Variants in STK24 observed in about 807,000 individuals in gnomAD.
STK24 encodes the protein serine/threonine-protein kinase 24.
A neutral mutation model predicts 55.6 loss-of-function variants in STK24; 21 were observed. The ratio of observed to expected loss-of-function variants is 0.38; its 90% confidence interval spans 0.27 to 0.54. The LOEUF (loss-of-function observed/expected upper bound fraction) is 0.54. Among genes scored for constraint, STK24 ranks in the 20% least tolerant of loss-of-function variants. The pLI is 0.79. For missense variants in STK24, 383 were observed against 538.4 expected (o/e 0.71, Z 2.86); for synonymous variants, 200 against 215.2 (o/e 0.93, Z 0.62).
chr13:98,472,589 G>A (rs960881160), intron 5 of STK24, among the ~76,000 whole-genome samples: 12 of 152,188 alleles, frequency 7.9e-5, no homozygotes, highest in African/African-American at 2.9e-4. Context: ...TGTATTCACA[G>A]TGCAGTTGCT....
chr13:98,478,665 T>C (rs1263382627), intron 3 of STK24, among the ~76,000 whole-genome samples: 3 of 152,246 alleles, frequency 2.0e-5, no homozygotes, highest in Non-Finnish European at 4.4e-5. Context: ...TTAATGAATA[T>C]GCCATCTCAT....
In STK24 at chr13:98,515,516, G is replaced by T. The variant is rs537595740; in HGVS notation, c.273+3727C>A. Among the ~76,000 whole-genome samples the T allele has an allele frequency of 5.9e-5, 9 of 151,722 alleles. No homozygotes were observed. In the South Asian group the frequency reaches 1.5e-3, roughly 25 times the overall value. On this transcript the variant is annotated intron_variant, in intron 2 of 10. Transcript: ENST00000539966. ...CCAGGCCTCAGATCCATAAATATTGGGGGGGTGGGGGGATTCACTGTTGTA... is the reference window on the plus strand; with the variant it reads ...CCAGGCCTCAGATCCATAAATATTGTGGGGGTGGGGGGATTCACTGTTGTA...
chr13:98,537,571 G>A (rs1896769987), intron 1 of STK24, among the ~76,000 whole-genome samples: 1 of 152,182 alleles, frequency 6.6e-6, no homozygotes, highest in Non-Finnish European at 1.5e-5. Flanking sequence ...ACCCACAGCA[G>A]GACAGGGGCC....
chr13:98,457,479 T>C lies in STK24; in HGVS notation c.1123-175A>G, dbSNP rs537695058. ...ACTTCAAATTGCTTTTTTTTTTTTT[T>C]TTTTTTGTGAGACGGAGTCTGGCTT... On this transcript the variant is annotated intron_variant, in intron 9 of 10. Transcript: ENST00000539966. Among the ~76,000 whole-genome samples the C allele has an allele frequency of 2.3e-4, 34 of 150,720 alleles. No individual in the cohort carries two copies. The South Asian group carries it at 7.0e-3, about 31-fold the overall frequency.
chr13:98,483,601 A>T (rs1431388014), intron 2 of STK24, among the ~76,000 whole-genome samples: 1 of 152,052 alleles, frequency 6.6e-6, no homozygotes. Flanking sequence ...AAGTCAGGAA[A>T]ATGCTTCACT....
chr13:98,539,735 G>T (rs1183680262), intron 1 of STK24, among the ~76,000 whole-genome samples: 1 of 152,144 alleles, frequency 6.6e-6, no homozygotes, highest in Non-Finnish European at 1.5e-5. Flanking sequence ...CGGCTGGAGG[G>T]AGCAAAATGA....
chr13:98,448,709 T>G lies in STK24; in HGVS notation c.*4464A>C. 1 of 165,368 alleles carries G rather than the reference T, an allele frequency of 6.0e-6. No homozygotes were observed. Among genetic ancestry groups the G allele is most frequent in the South Asian group, 1.7e-4 (1 of 5,878 alleles). 10.2% of individuals were successfully genotyped at this position (165,368 alleles called of 1,614,324 possible). A position where few individuals can be genotyped will look rare whatever the true frequency, so the allele number is the denominator to read the frequency against. Reference sequence around the variant, plus strand: ...TCTTTTATTATTTTCACCTATTGGCTGCTGCATTTTACGAAGTGGACTTCC... The same window carrying G: ...TCTTTTATTATTTTCACCTATTGGCGGCTGCATTTTACGAAGTGGACTTCC... On this transcript the variant is annotated 3_prime_UTR_variant, in exon 11 of 11. Transcript: ENST00000539966.
At chr13:98,569,374 C>A (rs74355464) in intron 1 of STK24, among the ~76,000 whole-genome samples, 10 of 146,728 alleles carry the variant, frequency 6.8e-5, no homozygotes, top group Admixed American at 4.1e-4. Flanking sequence ...GCCCAACCAA[C>A]ATCATGGCAT....
intron 7 of STK24, among the ~76,000 whole-genome samples, chr13:98,463,385 A>G (rs1169668304): frequency 6.6e-6 from 1 of 152,206 alleles, no homozygotes; most frequent in Middle Eastern, 3.2e-3. Context: ...AGGGTTTTAC[A>G]AACAGGAAGT....
chr13:98,561,994 A>C (rs1381854797), intron 1 of STK24, among the ~76,000 whole-genome samples: 1 of 150,728 alleles, frequency 6.6e-6, no homozygotes, highest in African/African-American at 2.4e-5. Flanking sequence ...AAAAAAAAAA[A>C]AAAAAAAAGA....
chr13:98,553,985 C>G (rs1173222099), intron 1 of STK24, among the ~76,000 whole-genome samples: 1 of 151,560 alleles, frequency 6.6e-6, no homozygotes, highest in Non-Finnish European at 1.5e-5. Context: ...CTGCTTGAAC[C>G]CAGGAGGTGG....
chr13:98,562,654 G>A (rs1035294494), intron 1 of STK24, among the ~76,000 whole-genome samples: 3 of 152,100 alleles, frequency 2.0e-5, no homozygotes, highest in Non-Finnish European at 4.4e-5. Context: ...AGTGGCTCAC[G>A]CCTGTAGTCC....
At chr13:98,481,018 C>T (rs530930196) in intron 3 of STK24, among the ~76,000 whole-genome samples, 1 of 152,362 alleles carries the variant, frequency 6.6e-6, no homozygotes, top group South Asian at 2.1e-4. Flanking sequence ...GGCCGCCTAT[C>T]ATCCAGGACC....
rs150913700 is a variant in STK24 at position 98,545,981 on chromosome 13, G to T, written c.43-26508C>A. On this transcript the variant is annotated intron_variant, in intron 1 of 10. Coordinates refer to ENST00000539966, the MANE Select transcript of STK24 (RefSeq NM_001032296.4). ...ACATGAAAGTTTAAAGAAATTGGGAGATCACAGGAATTGCTTAAGATCTGA... is the reference window on the plus strand; with the variant it reads ...ACATGAAAGTTTAAAGAAATTGGGATATCACAGGAATTGCTTAAGATCTGA... 1.4e-3 allele frequency among the ~76,000 whole-genome samples: 218 copies of T among 152,292 alleles called. 1 individual carries two copies. The highest frequency in any genetic ancestry group is 4.9e-3 in the African/African-American group (205 of 41,560).
intron 2 of STK24, among the ~76,000 whole-genome samples, chr13:98,517,395 G>A (rs1896103879): frequency 6.6e-6 from 1 of 152,164 alleles, no homozygotes; most frequent in Non-Finnish European, 1.5e-5. Context: ...GCAGGCTGAG[G>A]CAGGTGGATC....
Position 98,448,092 on chromosome 13 carries a change from G to A in STK24, c.*5081C>T. 1 of 693,990 alleles carries A rather than the reference G, an allele frequency of 1.4e-6. No homozygotes were observed. The highest frequency in any genetic ancestry group is 1.7e-5 in the South Asian group (1 of 58,892). The allele number at this position is 693,990 out of a possible 1,614,324, so 43.0% of individuals were successfully genotyped here. A position where few individuals can be genotyped will look rare whatever the true frequency, so the allele number is the denominator to read the frequency against. The stretch of plus-strand genomic sequence containing the variant: ...GTACCTCAGGAACGCCTGGGTGCTG[G>A]CTGTTCCCTTGCTCTTCTGCTGAAG... On this transcript the variant is annotated 3_prime_UTR_variant, in exon 11 of 11. Transcript: ENST00000539966.
chr13:98,482,309 A>G lies in STK24; in HGVS notation c.286T>C (p.Trp96Arg). The change falls in exon 3 of 11, where the codon TGG (tryptophan) becomes CGG (arginine). Residue 96 changes from tryptophan to arginine, a missense_variant. Trp to Arg is a moderately radical substitution (Grantham distance 101). Coordinates refer to ENST00000539966, the MANE Select transcript of STK24 (RefSeq NM_001032296.4). ...CCACCAAGATATTCCATTATTATCCATAATTTTGTATCCTATAAAACAAAA... is the reference window on the plus strand; with the variant it reads ...CCACCAAGATATTCCATTATTATCCGTAATTTTGTATCCTATAAAACAAAA... ...YGSYLKDTKL[W>R]IIMEYLGGGS... The G allele has an allele frequency of 6.4e-7, 1 of 1,567,760 alleles. No individual in the cohort carries two copies. The highest frequency in any genetic ancestry group is 8.7e-7 in the Non-Finnish European group (1 of 1,148,044).
intron 1 of STK24, among the ~76,000 whole-genome samples, chr13:98,522,308 G>A (rs1169310374): frequency 6.6e-6 from 1 of 152,160 alleles, no homozygotes; most frequent in Non-Finnish European, 1.5e-5. Context: ...CTCCCCAGGG[G>A]TGCCCGGTAG....
At chr13:98,565,795 G>A (rs1456663199) in intron 1 of STK24, among the ~76,000 whole-genome samples, 3 of 152,182 alleles carry the variant, frequency 2.0e-5, no homozygotes, top group African/African-American at 7.2e-5. Context: ...GCTCACTACA[G>A]AGAATGGAGA....
Sources: allele counts gnomAD v4.1 joint callset (sites outside exome capture counted in the v4.1 genomes callset), GRCh38; gene constraint gnomAD v4.1.1; transcripts MANE v1.5; gene names NCBI Gene and HGNC (gene_info 2026-07-23, HGNC 2026-07-21).